The following PIGK variants were observed in gnomAD, a reference collection of about 807,000 sequenced individuals.
PIGK encodes the protein phosphatidylinositol glycan anchor biosynthesis class K, also known as GPI-anchor transamidase.
In PIGK, 42 loss-of-function variants were observed where a neutral mutation model predicts 50.6. The observed-to-expected ratio is 0.83, with a 90% CI of 0.65 to 1.07. The LOEUF is 1.07. Ranked by LOEUF, PIGK falls within the 50% of genes least tolerant of loss-of-function variation. The probability of loss-of-function intolerance (pLI) is 0.00; values close to 1 mark genes in which losing one functional copy is unlikely to be tolerated. For missense variants in PIGK, 448 were observed against 488.7 expected (o/e 0.92, Z 0.78); for synonymous variants, 151 against 156.0 (o/e 0.97, Z 0.24).
At chr1:77,134,663 T>C (rs1407548209) in intron 9 of PIGK, among the ~76,000 whole-genome samples, 1 of 151,828 alleles carries the variant, frequency 6.6e-6, no homozygotes, top group East Asian at 2.0e-4. Context: ...TCCCCAAATC[T>C]AGATTTTTAG....
chr1:77,094,781 C>A (rs571796055), intron 10 of PIGK, among the ~76,000 whole-genome samples: 1 of 152,274 alleles, frequency 6.6e-6, no homozygotes, highest in South Asian at 2.1e-4. Context: ...CATTATTCCA[C>A]AGGCTGGCTT....
At chr1:77,111,475 G>T (rs1277559826) in intron 10 of PIGK, among the ~76,000 whole-genome samples, 3 of 152,028 alleles carry the variant, frequency 2.0e-5, no homozygotes, top group Non-Finnish European at 2.9e-5. Flanking sequence ...GATGAAGACG[G>T]AAACCATCAT....
intron 10 of PIGK, among the ~76,000 whole-genome samples, chr1:77,105,920 C>G (rs1346905383): frequency 1.3e-5 from 2 of 152,052 alleles, no homozygotes; most frequent in Non-Finnish European, 2.9e-5. Context: ...CTGTCAGAAG[C>G]CATGGAGGGC....
At chr1:77,122,618 C>A (rs1223880536) in intron 9 of PIGK, among the ~76,000 whole-genome samples, 2 of 152,184 alleles carry the variant, frequency 1.3e-5, no homozygotes, top group Admixed American at 1.3e-4. Context: ...TTCTCTGAGA[C>A]AAAAATGTTT....
intron 1 of PIGK, among the ~76,000 whole-genome samples, chr1:77,218,539 T>C (rs1656639793): frequency 6.6e-6 from 1 of 152,142 alleles, no homozygotes; most frequent in Admixed American, 6.5e-5. Context: ...AAAGGGGTGC[T>C]TAGTTTTTCA....
chr1:77,123,886 T>C (rs980716538), intron 9 of PIGK, among the ~76,000 whole-genome samples: 2 of 152,076 alleles, frequency 1.3e-5, no homozygotes, highest in African/African-American at 2.4e-5. Flanking sequence ...AGAACGTGAC[T>C]GTATTTGTAG....
chr1:77,189,738 TATATATATATACACACACAC>T (rs1241754009), intron 3 of PIGK, among the ~76,000 whole-genome samples: 54 of 32,002 alleles, frequency 1.7e-3, no homozygotes, highest in African/African-American at 7.7e-3. Flanking sequence ...TATATATATA[TATATATATATACACACACAC>T]ACACACACAC....
intron 9 of PIGK, 81 bp downstream of exon 9, chr1:77,154,368 T>A (rs1654960305): frequency 1.0e-6 from 1 of 997,754 alleles, no homozygotes; most frequent in Admixed American, 2.3e-5. Flanking sequence ...CACCAACTTT[T>A]GCCTCTTAAT....
chr1:77,095,216 C>G (rs969926589), intron 10 of PIGK, among the ~76,000 whole-genome samples: 3 of 152,092 alleles, frequency 2.0e-5, no homozygotes, highest in Non-Finnish European at 1.5e-5. Flanking sequence ...ATAATCCATA[C>G]AAAGGCACAG....
intron 9 of PIGK, among the ~76,000 whole-genome samples, chr1:77,125,124 A>T (rs1654201199): frequency 6.6e-6 from 1 of 152,232 alleles, no homozygotes; most frequent in Non-Finnish European, 1.5e-5. Flanking sequence ...TTTTTCTCAC[A>T]AAATGTCTCT....
chr1:77,111,999 T>C (rs1405825457), intron 10 of PIGK, among the ~76,000 whole-genome samples: 1 of 151,970 alleles, frequency 6.6e-6, no homozygotes, highest in Non-Finnish European at 1.5e-5. Context: ...TATATATGAA[T>C]GTAGATTAAA....
chr1:77,169,771 ACTGTCTTC>A (rs980185936), intron 3 of PIGK, among the ~76,000 whole-genome samples: 7 of 152,234 alleles, frequency 4.6e-5, no homozygotes, highest in Non-Finnish European at 7.3e-5. Flanking sequence ...AGCTAAAGAA[ACTGTCTTC>A]CTTAAGCATC....
chr1:77,150,326 T>C (rs1654866961), intron 9 of PIGK, among the ~76,000 whole-genome samples: 1 of 151,762 alleles, frequency 6.6e-6, no homozygotes, highest in Admixed American at 6.6e-5. Context: ...AAGACCAGCC[T>C]AGGCAACATA....
chr1:77,115,526 T>C (rs879783891), intron 10 of PIGK, among the ~76,000 whole-genome samples: 25 of 152,120 alleles, frequency 1.6e-4, no homozygotes, highest in Admixed American at 3.3e-4. Context: ...CATCCTGCGA[T>C]GCACAGATCA....
intron 2 of PIGK, among the ~76,000 whole-genome samples, chr1:77,207,150 G>A (rs1014029646): frequency 3.3e-5 from 5 of 152,254 alleles, no homozygotes; most frequent in African/African-American, 1.2e-4. Context: ...CTTGTCGACA[G>A]AGCAAGACTC....
At position 77,132,424 on chromosome 1, in the gene PIGK, C is replaced by A. The variant is rs200929562; in HGVS notation, c.987-10065G>T. On this transcript the variant is annotated intron_variant, in intron 9 of 10. Transcript: ENST00000370812. ...AACAATTACCTTGGACATTAGAACA[C>A]CCAACTTGGACCTGGTAGTCTAATC... is the stretch of plus-strand genomic sequence containing the variant. Among the ~76,000 whole-genome samples, 6 of 151,962 alleles carry A rather than the reference C, an allele frequency of 3.9e-5. No individual in the cohort carries two copies. In the East Asian group the frequency reaches 1.2e-3, roughly 29 times the overall value.
At chr1:77,179,328 A>G (rs1655559297) in intron 3 of PIGK, among the ~76,000 whole-genome samples, 2 of 152,242 alleles carry the variant, frequency 1.3e-5, no homozygotes, top group Non-Finnish European at 2.9e-5. Context: ...GGGAATTGGT[A>G]AAGTGAACTA....
intron 9 of PIGK, among the ~76,000 whole-genome samples, chr1:77,141,074 C>T (rs1040228731): frequency 2.0e-5 from 3 of 152,102 alleles, no homozygotes; most frequent in Non-Finnish European, 2.9e-5. Context: ...TAAATATACA[C>T]ATCTTTGCTA....
At chr1:77,110,111 G>C (rs1254284595) in intron 10 of PIGK, among the ~76,000 whole-genome samples, 2 of 152,028 alleles carry the variant, frequency 1.3e-5, no homozygotes, top group Non-Finnish European at 2.9e-5. Flanking sequence ...AAATAAAAGA[G>C]GACACAAACA....
Sources: gnomAD v4.1 joint callset for allele counts (sites outside exome capture counted in the v4.1 genomes callset) on GRCh38, gnomAD v4.1.1 for gene constraint, MANE v1.5 for transcripts, NCBI Gene and HGNC (gene_info 2026-07-23, HGNC 2026-07-21) for gene names.